Variants in CUBN observed in about 807,000 individuals in gnomAD.
CUBN encodes cubilin, also known as 460 kDa receptor.
In CUBN, 282 loss-of-function variants were observed where a neutral mutation model predicts 405.3. The ratio of observed to expected loss-of-function variants is 0.70; its 90% CI spans 0.63 to 0.77. The LOEUF is 0.77. Ranked by LOEUF, CUBN falls within the 30% of genes least tolerant of loss-of-function variation. The pLI, the probability that CUBN is intolerant of heterozygous loss-of-function variation, is 0.00. For synonymous variants in CUBN, 1,684 were observed against 1,617.0 expected, an observed-to-expected ratio of 1.04 and a Z score of -0.99; for missense variants, 4,514 against 4,475.2, an observed-to-expected ratio of 1.01 and a Z score of -0.25.
At position 17,109,646 on chromosome 10, in the gene CUBN, T is replaced by A; in HGVS notation, c.1105A>T (p.Thr369Ser). 1 of 1,613,112 alleles carries A rather than the reference T, an allele frequency of 6.2e-7. No individual in the cohort carries two copies. The highest frequency in any genetic ancestry group is 8.5e-7 in the Non-Finnish European group (1 of 1,179,304). ...GCHPDASCSS[T>S]LGSLPLCTCL... ...GAGAGAGATGAGTCATTACCTAGAG[T>A]TGAGGAGCATGAGGCATCTGGGTGG... The change falls in exon 10 of 67, where the codon ACT becomes TCT. Residue 369 changes from threonine (T) to serine (S), a missense_variant. Transcript: ENST00000377833.
intron 15 of CUBN, among the ~76,000 whole-genome samples, chr10:17,087,482 T>TTTTTTTTTTTTTTTTTTTC (rs1836145505): frequency 7.8e-6 from 1 of 128,022 alleles, no homozygotes; most frequent in African/African-American, 2.7e-5. Context: ...CTTTTTTTTT[T>TTTTTTTTTTTTTTTTTTTC]TTTTTTTTTT....
chr10:16,885,899 C>A (rs982841522), intron 56 of CUBN, among the ~76,000 whole-genome samples: 10 of 152,134 alleles, frequency 6.6e-5, no homozygotes, highest in Non-Finnish European at 1.0e-4. Flanking sequence ...AACATAAAAG[C>A]TATAAAGAAG....
intron 41 of CUBN, among the ~76,000 whole-genome samples, chr10:16,926,801 ATTTT>A (rs933590132): frequency 9.1e-5 from 11 of 120,848 alleles, no homozygotes; most frequent in Middle Eastern, 4.1e-3. Context: ...CAAAGGTGAA[ATTTT>A]TTTTTCTATC....
chr10:17,025,425 T>A (rs1159025680), intron 27 of CUBN, among the ~76,000 whole-genome samples: 3 of 152,142 alleles, frequency 2.0e-5, no homozygotes, highest in Non-Finnish European at 4.4e-5. Flanking sequence ...TTTGTGAAAA[T>A]TATTGAACTT....
chr10:16,914,625 A>T (rs1435652581), intron 47 of CUBN, among the ~76,000 whole-genome samples: 6 of 151,084 alleles, frequency 4.0e-5, no homozygotes, highest in Non-Finnish European at 8.8e-5. Context: ...TAACCCCAAC[A>T]CTTTGGGAGG....
At chr10:17,071,779 T>C (rs763487104) in intron 18 of CUBN, 48 bp downstream of exon 18, 8 of 1,591,194 alleles carry the variant, frequency 5.0e-6, no homozygotes, top group Middle Eastern at 2.0e-4. Flanking sequence ...AGAATTAAAA[T>C]ATTACAATCA....
At chr10:16,846,005 T>C (rs1839497747) in intron 60 of CUBN, among the ~76,000 whole-genome samples, 1 of 152,228 alleles carries the variant, frequency 6.6e-6, no homozygotes, top group Admixed American at 6.5e-5. Flanking sequence ...AACTTTTGAA[T>C]GTCCTGTCAG....
At chr10:16,936,957 T>A (rs1458031687) in intron 39 of CUBN, among the ~76,000 whole-genome samples, 2 of 152,144 alleles carry the variant, frequency 1.3e-5, no homozygotes, top group Non-Finnish European at 2.9e-5. Flanking sequence ...CCACAAGTGA[T>A]CCGTCTACCT....
chr10:17,100,131 T>G lies in CUBN; in HGVS notation c.1639A>C (p.Arg547=). The G allele has an allele frequency of 6.2e-7, 1 of 1,613,880 alleles. No homozygotes were observed. The highest frequency in any genetic ancestry group is 8.5e-7 in the Non-Finnish European group (1 of 1,179,824). ...TGAGGGAGGCTGGAGCCACAAAATC[T>G]TCCAAGTTGAAAAGCAGAAGAGGAA... ...GDSSSAFQLG[R]FCGSSLPHEL... is the part of the protein sequence containing the mutation. The change falls in exon 14 of 67, where the codon AGA becomes CGA. Residue 547 remains arginine (R), a synonymous_variant. Transcript: ENST00000377833.
chr10:16,919,753 A>T (rs559619823), intron 44 of CUBN, among the ~76,000 whole-genome samples: 1 of 152,222 alleles, frequency 6.6e-6, no homozygotes, highest in South Asian at 2.1e-4. Flanking sequence ...GTCTAGGGTC[A>T]CAAGGGACAG....
intron 22 of CUBN, among the ~76,000 whole-genome samples, chr10:17,057,890 A>G (rs1284718068): frequency 6.6e-6 from 1 of 152,086 alleles, no homozygotes; most frequent in South Asian, 2.1e-4. Context: ...TGGGAGGCCA[A>G]TTTGGGCAGA....
chr10:16,932,193 AT>A (rs1435583022), intron 40 of CUBN, among the ~76,000 whole-genome samples: 2 of 152,190 alleles, frequency 1.3e-5, no homozygotes, highest in Non-Finnish European at 2.9e-5. Context: ...CACCTTCACC[AT>A]TCGATTTTTC....
At chr10:16,874,756 G>C (rs941340555) in intron 57 of CUBN, among the ~76,000 whole-genome samples, 1 of 152,192 alleles carries the variant, frequency 6.6e-6, no homozygotes, top group South Asian at 2.1e-4. Flanking sequence ...AAAGGAATCA[G>C]TCTGAGTCAA....
At chr10:17,080,698 T>C (rs1835948294) in intron 17 of CUBN, among the ~76,000 whole-genome samples, 1 of 152,202 alleles carries the variant, frequency 6.6e-6, no homozygotes, top group Admixed American at 6.5e-5. Flanking sequence ...CCTTCTGAAT[T>C]TATTATTCAG....
chr10:16,965,488 G>A (rs901985998), intron 31 of CUBN, among the ~76,000 whole-genome samples: 2 of 151,032 alleles, frequency 1.3e-5, no homozygotes, highest in Admixed American at 6.6e-5. Flanking sequence ...GTGACCACCT[G>A]ACTGAAATGT....
chr10:16,960,510 A>C (rs920599138), intron 31 of CUBN, among the ~76,000 whole-genome samples: 17 of 152,100 alleles, frequency 1.1e-4, no homozygotes, highest in African/African-American at 4.1e-4. Flanking sequence ...ACAAACAAAA[A>C]ACCCCCACAA....
intron 28 of CUBN, among the ~76,000 whole-genome samples, chr10:17,004,743 C>T (rs1201622629): frequency 3.3e-5 from 5 of 150,644 alleles, no homozygotes; most frequent in Non-Finnish European, 7.4e-5. Flanking sequence ...CATCTTGGCT[C>T]ACTGCAACCT....
chr10:16,917,058 TG>T (rs1564422547), intron 45 of CUBN, among the ~76,000 whole-genome samples: 1 of 152,024 alleles, frequency 6.6e-6, no homozygotes, highest in East Asian at 1.9e-4. Context: ...GTGATCCACC[TG>T]CCTTAGCCTC....
intron 60 of CUBN, among the ~76,000 whole-genome samples, chr10:16,849,209 A>G (rs754423091): frequency 6.6e-6 from 1 of 152,102 alleles, no homozygotes; most frequent in Admixed American, 6.5e-5. Context: ...CATGCTTTGT[A>G]AAAGAATCCC....
Sources: gnomAD v4.1 joint callset for allele counts (sites outside exome capture counted in the v4.1 genomes callset) on GRCh38, gnomAD v4.1.1 for gene constraint, MANE v1.5 for transcripts, NCBI Gene and HGNC (gene_info 2026-07-23, HGNC 2026-07-21) for gene names.